Variants in LRRC4C observed in about 807,000 individuals in gnomAD.
The protein encoded by LRRC4C is leucine-rich repeat-containing protein 4C.
Under a neutral mutation model 33.6 loss-of-function variants are expected in LRRC4C, and 5 were observed. The ratio of observed to expected loss-of-function variants is 0.15; its 90% confidence interval spans 0.08 to 0.31. The LOEUF (loss-of-function observed/expected upper bound fraction) is 0.31. Ranked by LOEUF, LRRC4C falls within the 10% of genes least tolerant of loss-of-function variation. The pLI, the probability that LRRC4C is intolerant of heterozygous loss-of-function variation, is 1.00. For missense variants in LRRC4C, 560 were observed against 796.7 expected (o/e 0.70, Z 3.58); for synonymous variants, 329 against 302.0 (o/e 1.09, Z -0.93).
At chr11:41,301,628 C>G (rs532618775) in intron 1 of LRRC4C, among the ~76,000 whole-genome samples, 2 of 152,272 alleles carry the variant, frequency 1.3e-5, no homozygotes, top group African/African-American at 4.8e-5. Context: ...GAACCATAGA[C>G]TAGTGACTGG....
chr11:40,991,294 TA>T (rs1227635151), intron 1 of LRRC4C, among the ~76,000 whole-genome samples: 1 of 151,416 alleles, frequency 6.6e-6, no homozygotes, highest in African/African-American at 2.4e-5. Context: ...TGTCAACATT[TA>T]AACCTGTATA....
chr11:40,282,915 T>C (rs1052497729), intron 4 of LRRC4C, among the ~76,000 whole-genome samples: 2 of 152,260 alleles, frequency 1.3e-5, no homozygotes, highest in African/African-American at 4.8e-5. Context: ...CTATATTTAA[T>C]GAAGGTACTT....
chr11:41,181,518 C>T (rs1945449594), intron 1 of LRRC4C, among the ~76,000 whole-genome samples: 1 of 152,126 alleles, frequency 6.6e-6, no homozygotes, highest in Non-Finnish European at 1.5e-5. Flanking sequence ...TGCTGAGCTC[C>T]TTTAGAAAAG....
intron 5 of LRRC4C, among the ~76,000 whole-genome samples, chr11:40,151,616 AC>A (rs1225034641): frequency 1.3e-5 from 2 of 152,220 alleles, no homozygotes; most frequent in Non-Finnish European, 2.9e-5. Flanking sequence ...GAAGGTAGAG[AC>A]AAAAAATGGA....
chr11:41,217,131 A>G (rs1265813886), intron 1 of LRRC4C, among the ~76,000 whole-genome samples: 1 of 152,190 alleles, frequency 6.6e-6, no homozygotes, highest in African/African-American at 2.4e-5. Context: ...GTGAGTTTGG[A>G]TTTCCAAAAT....
chr11:40,327,455 T>C (rs985145975), intron 3 of LRRC4C, among the ~76,000 whole-genome samples: 5 of 152,228 alleles, frequency 3.3e-5, no homozygotes, highest in African/African-American at 1.2e-4. Context: ...TTATCTGCTA[T>C]CAGAAAGAAG....
intron 1 of LRRC4C, among the ~76,000 whole-genome samples, chr11:40,984,127 A>G (rs1852741822): frequency 6.6e-6 from 1 of 151,666 alleles, no homozygotes; most frequent in Non-Finnish European, 1.5e-5. Context: ...TGACAAAATA[A>G]TATGGAAGCA....
chr11:41,447,000 C>T (rs1002351448), intron 1 of LRRC4C, among the ~76,000 whole-genome samples: 1 of 152,092 alleles, frequency 6.6e-6, no homozygotes, highest in Admixed American at 6.6e-5. Flanking sequence ...ACACAGTAAT[C>T]AGGAGAAATA....
intron 2 of LRRC4C, among the ~76,000 whole-genome samples, chr11:40,865,080 T>C (rs1954287707): frequency 6.6e-6 from 1 of 152,176 alleles, no homozygotes. Context: ...TGCAGAGATG[T>C]TTTCCACATG....
At chr11:40,126,164 GA>G (rs112443352) in intron 6 of LRRC4C, among the ~76,000 whole-genome samples, 203 of 137,052 alleles carry the variant, frequency 1.5e-3, no homozygotes, top group African/African-American at 3.4e-3. Context: ...TGAGATTTAC[GA>G]AAAAAAAAAA....
intron 1 of LRRC4C, among the ~76,000 whole-genome samples, chr11:41,280,302 C>T (rs886165549): frequency 6.6e-6 from 1 of 152,108 alleles, no homozygotes; most frequent in African/African-American, 2.4e-5. Context: ...GTGAAGTGGA[C>T]CCTTAGCTGC....
chr11:40,896,496 A>G (rs1382497964), intron 2 of LRRC4C, among the ~76,000 whole-genome samples: 1 of 151,994 alleles, frequency 6.6e-6, no homozygotes, highest in Non-Finnish European at 1.5e-5. Flanking sequence ...AAATAACTTG[A>G]GAATGTAACA....
intron 3 of LRRC4C, among the ~76,000 whole-genome samples, chr11:40,545,050 C>T (rs1956859729): frequency 6.6e-6 from 1 of 151,886 alleles, no homozygotes; most frequent in Non-Finnish European, 1.5e-5. Flanking sequence ...CTTTTAATTT[C>T]CTTCTGGCTT....
intron 1 of LRRC4C, among the ~76,000 whole-genome samples, chr11:41,253,636 T>C (rs1387693529): frequency 6.6e-6 from 1 of 152,140 alleles, no homozygotes; most frequent in Non-Finnish European, 1.5e-5. Flanking sequence ...GTCACATCCC[T>C]GGCCTAATAG....
At chr11:40,852,129 ATT>A (rs5791404) in intron 2 of LRRC4C, among the ~76,000 whole-genome samples, 284 of 146,950 alleles carry the variant, frequency 1.9e-3, no homozygotes, top group African/African-American at 6.4e-3. Context: ...GCACTACTAG[ATT>A]TTTTTTTTTT....
intron 5 of LRRC4C, among the ~76,000 whole-genome samples, chr11:40,163,007 C>A (rs1859286119): frequency 6.6e-6 from 1 of 152,130 alleles, no homozygotes; most frequent in Non-Finnish European, 1.5e-5. Flanking sequence ...TCTTTTGTCT[C>A]TTATCTTCTA....
intron 3 of LRRC4C, among the ~76,000 whole-genome samples, chr11:40,572,684 T>G (rs1308685963): frequency 6.6e-6 from 1 of 152,110 alleles, no homozygotes; most frequent in Admixed American, 6.5e-5. Context: ...ATGTCAACAC[T>G]CAGCCTCTTC....
At chr11:40,685,322 A>G (rs1944901763) in intron 2 of LRRC4C, among the ~76,000 whole-genome samples, 1 of 152,072 alleles carries the variant, frequency 6.6e-6, no homozygotes, top group South Asian at 2.1e-4. Flanking sequence ...ATCCATTAGC[A>G]GTCTTTTTGT....
intron 5 of LRRC4C, among the ~76,000 whole-genome samples, chr11:40,163,522 A>G (rs1859337955): frequency 6.6e-6 from 1 of 152,320 alleles, no homozygotes; most frequent in Non-Finnish European, 1.5e-5. Context: ...TGGAATGTGA[A>G]ACTAAAAATA....
Sources: gnomAD v4.1 joint callset for allele counts (sites outside exome capture counted in the v4.1 genomes callset) on GRCh38, gnomAD v4.1.1 for gene constraint, MANE v1.5 for transcripts, NCBI Gene and HGNC (gene_info 2026-07-23, HGNC 2026-07-21) for gene names.